The following MAD1L1 variants were observed in gnomAD, a reference collection of about 807,000 sequenced individuals.
MAD1L1 encodes mitotic spindle assembly checkpoint protein MAD1.
Under a neutral mutation model 96.9 loss-of-function variants are expected in MAD1L1, and 95 were observed. That is an observed-to-expected ratio of 0.98 (90% confidence interval 0.83 to 1.16). MAD1L1 has a LOEUF of 1.16. MAD1L1 is among the 50% of genes most tolerant of loss of function. The pLI is 0.00. For synonymous variants in MAD1L1, 473 were observed against 396.6 expected (o/e 1.19, Z -2.29); for missense variants, 1,007 against 954.4 (o/e 1.06, Z -0.73).
chr7:2,134,965 G>A (rs1330583401), intron 11 of MAD1L1, among the ~76,000 whole-genome samples: 3 of 152,214 alleles, frequency 2.0e-5, no homozygotes, highest in South Asian at 2.1e-4. Context: ...ATGAGTCACC[G>A]TTTCCAGAAA....
chr7:2,197,557 C>T (rs1792057930), intron 10 of MAD1L1, among the ~76,000 whole-genome samples: 2 of 152,178 alleles, frequency 1.3e-5, no homozygotes, highest in South Asian at 4.1e-4. Flanking sequence ...CACACGGGCC[C>T]AAGCTCGGAC....
At chr7:2,204,156 C>T (rs1233138207) in intron 10 of MAD1L1, among the ~76,000 whole-genome samples, 16 of 152,232 alleles carry the variant, frequency 1.1e-4, no homozygotes, top group Admixed American at 1.0e-3. Context: ...GAGGTGCACG[C>T]AGCCGTGGCC....
chr7:2,001,721 G>A (rs1781802639), intron 14 of MAD1L1, among the ~76,000 whole-genome samples: 1 of 152,242 alleles, frequency 6.6e-6, no homozygotes, highest in South Asian at 2.1e-4. Context: ...TGAAGCCACA[G>A]CACTGATGTC....
intron 10 of MAD1L1, among the ~76,000 whole-genome samples, chr7:2,197,545 T>C (rs913777016): frequency 6.6e-6 from 1 of 152,158 alleles, no homozygotes; most frequent in Non-Finnish European, 1.5e-5. Flanking sequence ...ACCTTCTCCC[T>C]GCACACGGGC....
At chr7:1,892,857 GC>G (rs1786634075) in intron 18 of MAD1L1, among the ~76,000 whole-genome samples, 1 of 152,184 alleles carries the variant, frequency 6.6e-6, no homozygotes, top group Admixed American at 6.5e-5. Context: ...TCACGGTTTT[GC>G]CCCAAACTGC....
chr7:1,972,358 T>C (rs573720788), intron 15 of MAD1L1, among the ~76,000 whole-genome samples: 2 of 152,248 alleles, frequency 1.3e-5, no homozygotes, highest in Non-Finnish European at 2.9e-5. Flanking sequence ...TCTTTATGAC[T>C]TCAATTTTTT....
intron 2 of MAD1L1, 166 bp from the exon 3 acceptor site, chr7:2,230,309 G>T: frequency 1.8e-6 from 1 of 541,706 alleles, no homozygotes; most frequent in Non-Finnish European, 3.3e-6. Flanking sequence ...GAGCCATGCT[G>T]CCAATTTACC....
At chr7:2,028,910 G>A (rs1003883359) in intron 12 of MAD1L1, among the ~76,000 whole-genome samples, 1 of 152,038 alleles carries the variant, frequency 6.6e-6, no homozygotes, top group Admixed American at 6.6e-5. Flanking sequence ...GTGCAACAAG[G>A]CTGCGCAGGG....
intron 17 of MAD1L1, among the ~76,000 whole-genome samples, chr7:1,919,410 G>C (rs117014804): frequency 0.027 from 4,086 of 152,352 alleles, 87 homozygotes; most frequent in Non-Finnish European, 0.038. Context: ...AGGAGGTCCA[G>C]GTGGCTGGCA....
intron 11 of MAD1L1, among the ~76,000 whole-genome samples, chr7:2,080,832 C>T (rs1318752432): frequency 1.3e-5 from 2 of 152,148 alleles, no homozygotes; most frequent in African/African-American, 2.4e-5. Flanking sequence ...GGGAGGGAGA[C>T]GTTTTCGCCT....
chr7:2,231,497 C>T (rs1794188029), intron 1 of MAD1L1, among the ~76,000 whole-genome samples: 1 of 152,072 alleles, frequency 6.6e-6, no homozygotes, highest in Non-Finnish European at 1.5e-5. Flanking sequence ...ATCCCAGCTA[C>T]TCCGGAGGCT....
At chr7:2,112,337 G>T (rs73035480) in intron 11 of MAD1L1, among the ~76,000 whole-genome samples, 4,125 of 152,240 alleles carry the variant, frequency 0.027, 96 homozygotes, top group South Asian at 0.09. Flanking sequence ...GACTCAAAAT[G>T]AAACACCAGC....
intron 16 of MAD1L1, among the ~76,000 whole-genome samples, chr7:1,956,901 T>C (rs1457920667): frequency 1.3e-5 from 2 of 152,228 alleles, no homozygotes; most frequent in African/African-American, 4.8e-5. Context: ...AAGCCGTAAG[T>C]GGTGCCTGCA....
At chr7:2,066,211 G>A (rs754739545) in intron 12 of MAD1L1, among the ~76,000 whole-genome samples, 30 of 152,322 alleles carry the variant, frequency 2.0e-4, no homozygotes, top group South Asian at 6.2e-4. Context: ...CCCACCAGCC[G>A]GAGGCTCGCA....
intron 18 of MAD1L1, among the ~76,000 whole-genome samples, chr7:1,864,658 C>T (rs959947132): frequency 2.6e-5 from 4 of 152,214 alleles, no homozygotes; most frequent in African/African-American, 4.8e-5. Flanking sequence ...CCCGACCTCA[C>T]GTGGACCCCT....
intron 12 of MAD1L1, among the ~76,000 whole-genome samples, chr7:2,032,878 CAGGA>C (rs1783291962): frequency 6.6e-6 from 1 of 152,180 alleles, no homozygotes; most frequent in Non-Finnish European, 1.5e-5. Context: ...AGCCCCACAC[CAGGA>C]AGGAAGACCC....
At chr7:2,187,073 G>A (rs1046543405) in intron 10 of MAD1L1, among the ~76,000 whole-genome samples, 2 of 152,106 alleles carry the variant, frequency 1.3e-5, no homozygotes, top group Non-Finnish European at 2.9e-5. Flanking sequence ...GACTACAGGC[G>A]TGAGTCACTG....
intron 12 of MAD1L1, among the ~76,000 whole-genome samples, chr7:2,021,141 G>A (rs1045446005): frequency 6.6e-6 from 1 of 152,196 alleles, no homozygotes; most frequent in Admixed American, 6.5e-5. Context: ...AGAAGGAGGC[G>A]AGGAGCGAAC....
At chr7:2,107,256 C>T (rs1305128359) in intron 11 of MAD1L1, among the ~76,000 whole-genome samples, 3 of 152,196 alleles carry the variant, frequency 2.0e-5, no homozygotes, top group African/African-American at 4.8e-5. Flanking sequence ...CCGGAGCATC[C>T]GGTGGCAGGA....
Sources: allele counts gnomAD v4.1 joint callset (sites outside exome capture counted in the v4.1 genomes callset), GRCh38; gene constraint gnomAD v4.1.1; transcripts MANE v1.5; gene names NCBI Gene and HGNC (gene_info 2026-07-23, HGNC 2026-07-21).